The following SNX29 variants were observed in gnomAD, a reference collection of about 807,000 sequenced individuals.
The protein encoded by SNX29 is sorting nexin-29.
In SNX29, 78 loss-of-function variants were observed where a neutral mutation model predicts 102.1. The observed-to-expected ratio is 0.76, with a 90% CI of 0.64 to 0.92. The LOEUF is 0.92. Among genes scored for constraint, SNX29 ranks in the 40% least tolerant of loss-of-function variants. The pLI is 0.00. For synonymous variants in SNX29, 580 were observed against 414.5 expected (o/e 1.40, Z -4.85); for missense variants, 1,280 against 1,061.7 (o/e 1.21, Z -2.86).
At chr16:12,464,693 G>A (rs2086971494) in intron 18 of SNX29, among the ~76,000 whole-genome samples, 1 of 152,106 alleles carries the variant, frequency 6.6e-6, no homozygotes, top group Non-Finnish European at 1.5e-5. Context: ...GGCCTCAAGG[G>A]ATCCTCCCAC....
At chr16:12,109,097 C>T (rs1222413475) in intron 11 of SNX29, among the ~76,000 whole-genome samples, 10 of 133,152 alleles carry the variant, frequency 7.5e-5, no homozygotes, top group African/African-American at 2.6e-4. Context: ...CATTGCACTC[C>T]AGCCTGGGCA....
At chr16:12,331,776 T>A (rs1030814467) in intron 15 of SNX29, among the ~76,000 whole-genome samples, 1 of 152,202 alleles carries the variant, frequency 6.6e-6, no homozygotes, top group Non-Finnish European at 1.5e-5. Context: ...GGTCTTGAAC[T>A]CCTGACCTCA....
intron 11 of SNX29, among the ~76,000 whole-genome samples, chr16:12,086,204 CTG>C (rs1278963074): frequency 6.6e-6 from 1 of 151,990 alleles, no homozygotes; most frequent in Non-Finnish European, 1.5e-5. Flanking sequence ...CGGGATTTCA[CTG>C]TGTTAGCCAG....
chr16:12,480,219 G>C (rs2087843658), intron 19 of SNX29, among the ~76,000 whole-genome samples: 1 of 152,216 alleles, frequency 6.6e-6, no homozygotes, highest in African/African-American at 2.4e-5. Context: ...CGAGAGGTCA[G>C]AAGTCCAAAA....
At chr16:12,036,828 G>A (rs374307768) in intron 4 of SNX29, among the ~76,000 whole-genome samples, 9 of 152,048 alleles carry the variant, frequency 5.9e-5, no homozygotes, top group South Asian at 4.1e-4. Context: ...GTCTCACTGC[G>A]TTATTTCCTG....
rs79752950 is a variant in SNX29 at position 12,566,960 on chromosome 16, G to C, written c.2319-1546G>C. ...TCAGGGTGTCAAACTTGAAACGAGG[G>C]ATCTCACTCGCACAGTGGCCATGTC... On this transcript the variant is annotated intron_variant, in intron 20 of 20. Coordinates refer to ENST00000566228, the MANE Select transcript of SNX29 (RefSeq NM_032167.5). Among the ~76,000 whole-genome samples, 1,266 of 152,340 alleles carry C rather than the reference G, an allele frequency of 8.3e-3. 7 individuals carry two copies. The highest frequency in any genetic ancestry group is 0.028 in the South Asian group (136 of 4,832).
intron 16 of SNX29, among the ~76,000 whole-genome samples, chr16:12,392,550 T>G (rs747911054): frequency 3.9e-5 from 6 of 152,194 alleles, no homozygotes; most frequent in Non-Finnish European, 7.4e-5. Context: ...CGTTGGACTC[T>G]GAGAATATTG....
At chr16:12,123,525 A>T (rs1225477682) in intron 11 of SNX29, among the ~76,000 whole-genome samples, 2 of 152,160 alleles carry the variant, frequency 1.3e-5, no homozygotes, top group Non-Finnish European at 2.9e-5. Flanking sequence ...TACATAATAC[A>T]TATATATCAT....
rs530018055 is a variant in SNX29, at chr16:12,125,020, C to T, written c.1403-1613C>T. Among the ~76,000 whole-genome samples, 7 of 152,224 alleles carry T rather than the reference C, an allele frequency of 4.6e-5. 1 individual carries two copies. In the South Asian group the frequency reaches 1.2e-3, roughly 27 times the overall value. On this transcript the variant is annotated intron_variant, in intron 11 of 20. Transcript: ENST00000566228. ...TAGAGACTAAACAAATCATGGGCTG[C>T]GCGGCTCAGGGGAGAGGAGAGAAAA...
At chr16:12,107,395 G>A (rs773894536) in intron 11 of SNX29, among the ~76,000 whole-genome samples, 2 of 151,170 alleles carry the variant, frequency 1.3e-5, no homozygotes, top group South Asian at 4.2e-4. Context: ...GACCTGGTGC[G>A]GTGGCTGATG....
intron 20 of SNX29, among the ~76,000 whole-genome samples, chr16:12,537,321 A>C (rs947583729): frequency 6.6e-6 from 1 of 152,248 alleles, no homozygotes; most frequent in African/African-American, 2.4e-5. Context: ...TGGCTAAGCC[A>C]AAGCTCTGTT....
intron 11 of SNX29, among the ~76,000 whole-genome samples, chr16:12,104,973 C>G (rs755843221): frequency 1.3e-5 from 2 of 152,230 alleles, no homozygotes; most frequent in Non-Finnish European, 2.9e-5. Context: ...GAAGAGTTGG[C>G]TCCAAATGCA....
At chr16:12,378,260 G>A (rs2151413657) in intron 16 of SNX29, among the ~76,000 whole-genome samples, 1 of 152,296 alleles carries the variant, frequency 6.6e-6, no homozygotes, top group Admixed American at 6.5e-5. Context: ...GCAGCAGAAG[G>A]CAGAGGGGAG....
At chr16:12,383,772 C>CTTTTT (rs58531196) in intron 16 of SNX29, among the ~76,000 whole-genome samples, 31 of 105,892 alleles carry the variant, frequency 2.9e-4, no homozygotes, top group African/African-American at 4.9e-4. Context: ...CGTCAACTTT[C>CTTTTT]TTTTTTTTTT....
At chr16:12,526,370 C>G (rs8062242) in intron 20 of SNX29, among the ~76,000 whole-genome samples, 1 of 152,282 alleles carries the variant, frequency 6.6e-6, no homozygotes. Context: ...GTCTTCCCTG[C>G]CTAGGCCCTT....
At position 12,359,083 on chromosome 16, in the gene SNX29, C is replaced by T. The variant is rs147159185; in HGVS notation, c.1899+2804C>T. Among the ~76,000 whole-genome samples, 679 of 152,260 alleles carry T rather than the reference C, an allele frequency of 4.5e-3. 5 individuals are homozygous for T. The highest frequency in any genetic ancestry group is 0.016 in the African/African-American group (652 of 41,550). ...TGAGTCAGAAGTACAGGTAAAATAA[C>T]CTGGGGCTTGTGGTTGGCATCAGAA... On this transcript the variant is annotated intron_variant, in intron 16 of 20. Coordinates refer to ENST00000566228, the MANE Select transcript of SNX29 (RefSeq NM_032167.5).
chr16:12,429,177 G>C (rs1447302365), intron 18 of SNX29, among the ~76,000 whole-genome samples: 1 of 152,036 alleles, frequency 6.6e-6, no homozygotes, highest in Non-Finnish European at 1.5e-5. Flanking sequence ...TTCCTAGTTA[G>C]TCCCACCACA....
At chr16:12,006,022 T>C (rs2151034541) in intron 3 of SNX29, among the ~76,000 whole-genome samples, 1 of 152,226 alleles carries the variant, frequency 6.6e-6, no homozygotes, top group African/African-American at 2.4e-5. Flanking sequence ...TGTTTATGGC[T>C]AAAAGGAGTA....
chr16:12,067,911 G>T (rs1223849392), intron 9 of SNX29, among the ~76,000 whole-genome samples: 1 of 152,222 alleles, frequency 6.6e-6, no homozygotes, highest in Admixed American at 6.5e-5. Context: ...TATGAAAATT[G>T]TTCAGGTCCC....
Sources: allele counts gnomAD v4.1 joint callset (sites outside exome capture counted in the v4.1 genomes callset), GRCh38; gene constraint gnomAD v4.1.1; transcripts MANE v1.5; gene names NCBI Gene and HGNC (gene_info 2026-07-23, HGNC 2026-07-21).